The following OSBPL2 variants were observed in gnomAD, a reference collection of about 807,000 sequenced individuals.
OSBPL2 encodes oxysterol binding protein like 2.
A neutral mutation model predicts 58.4 loss-of-function variants in OSBPL2; 18 were observed. The observed-to-expected ratio is 0.31, with a 90% CI of 0.21 to 0.46. OSBPL2 has a LOEUF of 0.46. Among genes scored for constraint, OSBPL2 ranks in the 20% least tolerant of loss-of-function variants. The pLI is 1.00. For missense variants in OSBPL2, 461 were observed against 616.5 expected (o/e 0.75, Z 2.67); for synonymous variants, 221 against 234.1 (o/e 0.94, Z 0.51).
At position 62,291,314 on chromosome 20, in the gene OSBPL2, G is replaced by A. The variant is rs1983494543; in HGVS notation, c.1250-389G>A. On this transcript the variant is annotated intron_variant, in intron 12 of 13. Coordinates refer to ENST00000313733, the MANE Select transcript of OSBPL2 (RefSeq NM_144498.4). ...GGAAGGTCAAGGCTAAAGGGAGCTC[G>A]TCTTTGGGAGATGGGCTCTGAGTTG... 2.7e-5 allele frequency: 9 copies of A among 331,678 alleles called. 1 individual carries two copies. The highest frequency in any genetic ancestry group is 2.0e-4 in the South Asian group (8 of 40,238). The allele number at this position is 331,678 out of a possible 1,614,324, so 20.5% of individuals were successfully genotyped here.
Position 62,256,196 on chromosome 20 carries a change from G to C in OSBPL2, c.12G>C (p.Glu4Asp), listed in dbSNP as rs758976090. 1.5e-5 allele frequency: 25 copies of C among 1,613,860 alleles called. 1 individual carries two copies. The South Asian group carries it at 2.5e-4, about 16-fold the overall frequency. MNG[E>D]EEFFDAVTGF... The stretch of plus-strand genomic sequence containing the variant: ...CTGGCTGCTGAAGGATGAACGGAGA[G>C]GAAGAATTCTTTGATGCCGTCACAG... Residue 4 changes from glutamate (E) to aspartate (D), a missense_variant, in exon 2 of 14, where the codon GAG becomes GAC. By Grantham distance (45) the Glu-to-Asp change is conservative (BLOSUM62 2). Transcript: ENST00000313733.
rs1352011630 is a variant in OSBPL2 at position 62,293,938 on chromosome 20, T to C, written c.*51T>C. 2 of 1,594,186 alleles carry C rather than the reference T, an allele frequency of 1.3e-6. No individual in the cohort carries two copies. The highest frequency in any genetic ancestry group is 1.7e-6 in the Non-Finnish European group (2 of 1,171,658). Reference sequence around the variant, plus strand: ...GACCGGAGGCTGACGAGGCTGGACTTCCTCGAGTGGCCACTGTGAGCCTCG... The same window carrying C: ...GACCGGAGGCTGACGAGGCTGGACTCCCTCGAGTGGCCACTGTGAGCCTCG... On this transcript the variant is annotated 3_prime_UTR_variant, in exon 14 of 14. Coordinates refer to ENST00000313733, the MANE Select transcript of OSBPL2 (RefSeq NM_144498.4).
Position 62,269,767 on chromosome 20 carries a change from C to T in OSBPL2, c.259-2358C>T, listed in dbSNP as rs908363723. On this transcript the variant is annotated intron_variant, in intron 4 of 13. Coordinates refer to ENST00000313733, the MANE Select transcript of OSBPL2 (RefSeq NM_144498.4). This position sits in a 1 kb window ranked among gnomAD's most constrained non-coding sequence, Gnocchi z 4.2. ...CTTCTTTCTCTGCCACGTGTTCTTG[C>T]AGTGCCGAGCTCTGATCACAAGGGT... Among the ~76,000 whole-genome samples, 2 of 152,262 alleles carry T rather than the reference C, an allele frequency of 1.3e-5. No individual in the cohort carries two copies. The highest frequency in any genetic ancestry group is 4.8e-5 in the African/African-American group (2 of 41,458).
intron 8 of OSBPL2, 63 bp from the exon 9 acceptor site, chr20:62,281,727 A>G: frequency 7.8e-7 from 1 of 1,284,262 alleles, no homozygotes; most frequent in Non-Finnish European, 1.1e-6. Flanking sequence ...CTCCTGTTAC[A>G]GAGTTACCCT....
rs751578923 is a variant in OSBPL2 at position 62,281,862 on chromosome 20, A to G, written c.855A>G (p.Gly285=). 8.7e-6 allele frequency: 14 copies of G among 1,611,452 alleles called. No individual in the cohort carries two copies. Among genetic ancestry groups the G allele is most frequent in the Non-Finnish European group, 1.1e-5 (13 of 1,177,764 alleles). The change falls in exon 9 of 14, where the codon GGA becomes GGG. Residue 285 remains glycine, a synonymous_variant. Transcript: ENST00000313733. ...LFGKELHKVE[G]HIQDKNKKKL... Reference sequence around the variant, plus strand: ...GAAAAGAACTTCACAAGGTGGAAGGACACATTCAAGACAAAAAGTAGGTCC... The same window carrying G: ...GAAAAGAACTTCACAAGGTGGAAGGGCACATTCAAGACAAAAAGTAGGTCC...
Position 62,284,481 on chromosome 20 carries a change from A to G in OSBPL2, c.996+312A>G, listed in dbSNP as rs6121978. 187,372 of 341,944 alleles carry G rather than the reference A, an allele frequency of 0.55. 52,291 individuals carry two copies. Among genetic ancestry groups the G allele is most frequent in the African/African-American group, 0.66 (31,510 of 47,934 alleles). 21.2% of individuals were successfully genotyped at this position (341,944 alleles called of 1,614,324 possible). On this transcript the variant is annotated intron_variant, in intron 10 of 13. Coordinates refer to ENST00000313733, the MANE Select transcript of OSBPL2 (RefSeq NM_144498.4). ...AACCTCCAGCTACCAGGCTCAAGCA[A>G]TCCTCCCTCCTTAGCCTCCCAAGTG...
At chr20:62,285,384 C>T (rs1983048123) in intron 10 of OSBPL2, 1 of 152,266 alleles carries the variant, frequency 6.6e-6, no homozygotes, top group African/African-American at 2.4e-5. Context: ...ATGGTGCCTA[C>T]AGCCAGTGTG....
In OSBPL2 at chr20:62,254,331, G is replaced by A. The variant is rs118027302; in HGVS notation, c.-128-1726G>A. Among the ~76,000 whole-genome samples, 112 of 152,346 alleles carry A rather than the reference G, an allele frequency of 7.4e-4. No homozygotes were observed. The East Asian group carries it at 0.012, about 17-fold the overall frequency. On this transcript the variant is annotated intron_variant, in intron 1 of 13. Transcript: ENST00000313733. ...GAGGAGCCCAGTCCTGGATTCAGCC[G>A]CGTCTCCTCAGGAAGCCCTGGCTCC... is the stretch of plus-strand genomic sequence containing the variant.
intron 1 of OSBPL2, among the ~76,000 whole-genome samples, chr20:62,245,701 G>A (rs1317540449): frequency 2.0e-5 from 3 of 152,212 alleles, no homozygotes; most frequent in African/African-American, 7.2e-5. Flanking sequence ...AAGGGCAAAG[G>A]CCTGAGCGGC....
Position 62,294,011 on chromosome 20 carries a change from A to G in OSBPL2, c.*124A>G, listed in dbSNP as rs1025601478. The G allele has an allele frequency of 2.4e-6, 3 of 1,227,192 alleles. No homozygotes were observed. The highest frequency in any genetic ancestry group is 2.2e-6 in the Non-Finnish European group (2 of 905,432). 76.0% of individuals were successfully genotyped at this position (1,227,192 alleles called of 1,614,324 possible). ...TAACGACTGAGTTCGCGGAGATAGC[A>G]TCATCCCTGATCAAGGATGTAATTC... On this transcript the variant is annotated 3_prime_UTR_variant, in exon 14 of 14. Transcript: ENST00000313733.
At chr20:62,263,777 C>A (rs1022488587) in intron 4 of OSBPL2, 86 bp downstream of exon 4, 5 of 1,248,448 alleles carry the variant, frequency 4.0e-6, no homozygotes, top group African/African-American at 2.9e-5. Flanking sequence ...TAAGAAAATG[C>A]GCTCTTGGCC....
intron 1 of OSBPL2, among the ~76,000 whole-genome samples, chr20:62,244,868 T>C (rs1421679508): frequency 1.3e-5 from 2 of 152,204 alleles, no homozygotes; most frequent in Non-Finnish European, 2.9e-5. Context: ...GTCACCCTCT[T>C]GGCATGGAGA....
intron 1 of OSBPL2, among the ~76,000 whole-genome samples, chr20:62,252,187 A>G (rs1241025486): frequency 7.1e-6 from 1 of 140,244 alleles, no homozygotes; most frequent in East Asian, 1.9e-4. Context: ...CCTGGCCAGT[A>G]TGTCTTTTTT....
chr20:62,259,476 C>G (rs1981151216), intron 2 of OSBPL2, among the ~76,000 whole-genome samples: 1 of 152,162 alleles, frequency 6.6e-6, no homozygotes, highest in Non-Finnish European at 1.5e-5. Context: ...CATGATTGTT[C>G]CCTATCTGGG....
rs778688655 is a variant in OSBPL2, at chr20:62,293,916, C to T, written c.*29C>T. ...CCTGGAGGGGCCTGGGGCCCGGGAC[C>T]GGAGGCTGACGAGGCTGGACTTCCT... On this transcript the variant is annotated 3_prime_UTR_variant, in exon 14 of 14. Transcript: ENST00000313733. 28 of 1,606,662 alleles carry T rather than the reference C, an allele frequency of 1.7e-5. No homozygotes were observed. The highest frequency in any genetic ancestry group is 5.1e-5 in the Admixed American group (3 of 58,382).
chr20:62,255,799 C>T lies in OSBPL2; in HGVS notation c.-128-258C>T, dbSNP rs528645296. Among the ~76,000 whole-genome samples the T allele has an allele frequency of 3.9e-5, 6 of 152,360 alleles. No individual in the cohort carries two copies. In the South Asian group the frequency reaches 1.2e-3, roughly 32 times the overall value. Reference sequence around the variant, plus strand: ...GGATTACAGGCGTGAGCCACCATGCCCAGCCAATAATGCTTTTTAGAAACA... The same window carrying T: ...GGATTACAGGCGTGAGCCACCATGCTCAGCCAATAATGCTTTTTAGAAACA... On this transcript the variant is annotated intron_variant, in intron 1 of 13. Transcript: ENST00000313733.
rs1601201271 is a variant in OSBPL2, at chr20:62,288,038, T to G, written c.1126-1169T>G. The stretch of plus-strand genomic sequence containing the variant: ...TGTGGCTTCAGTCATGGGGTAGGGG[T>G]GGGGGTGTCTAGGGATTGCGTTTGG... On this transcript the variant is annotated intron_variant, in intron 11 of 13. Transcript: ENST00000313733. The surrounding 1 kb of genome is among the most constrained non-coding windows in gnomAD (Gnocchi z 4.8). Among the ~76,000 whole-genome samples the G allele has an allele frequency of 1.4e-5, 2 of 147,550 alleles. No individual in the cohort carries two copies. The highest frequency in any genetic ancestry group is 6.7e-5 in the Admixed American group (1 of 14,860).
intron 13 of OSBPL2, 37 bp downstream of exon 13, chr20:62,291,830 G>C (rs1486048366): frequency 6.4e-7 from 1 of 1,573,164 alleles, no homozygotes; most frequent in Non-Finnish European, 8.7e-7. Flanking sequence ...TGGGGCAGCG[G>C]GGAGGCCCCA....
chr20:62,247,100 C>T (rs1421476150), intron 1 of OSBPL2, among the ~76,000 whole-genome samples: 14 of 152,212 alleles, frequency 9.2e-5, no homozygotes, highest in Non-Finnish European at 2.1e-4. Flanking sequence ...CCAGCCTGAC[C>T]TAGTTCTGCT....
Sources: gnomAD v4.1 joint callset for allele counts (sites outside exome capture counted in the v4.1 genomes callset) on GRCh38, gnomAD v4.1.1 for gene constraint, Gnocchi (gnomAD v3.1) non-coding constraint, MANE v1.5 for transcripts, NCBI Gene and HGNC (gene_info 2026-07-23, HGNC 2026-07-21) for gene names.